RBFOX1: variants seen among roughly 807,000 people sequenced by gnomAD.
RBFOX1 encodes the protein RNA binding protein fox-1 homolog 1.
RBFOX1 carries 8 observed loss-of-function variants against 57.7 expected under a neutral mutation model. The observed-to-expected ratio is 0.14, with a 90% CI of 0.08 to 0.25. The LOEUF is 0.25. Among genes scored for constraint, RBFOX1 ranks in the 10% least tolerant of loss-of-function variants. The pLI is 1.00. For synonymous variants in RBFOX1, 326 were observed against 222.4 expected (o/e 1.47, Z -4.15); for missense variants, 611 against 548.5 (o/e 1.11, Z -1.14).
chr16:5,548,174 A>ATATATATATAT (rs1282445806), intron 2 of RBFOX1, among the ~76,000 whole-genome samples: 42 of 33,546 alleles, frequency 1.3e-3, no homozygotes, highest in East Asian at 2.7e-3. Context: ...AAAAAAAAAA[A>ATATATATATAT]ATATATATAT....
chr16:6,955,071 A>AC (rs1256473917), intron 3 of RBFOX1, among the ~76,000 whole-genome samples: 1 of 121,912 alleles, frequency 8.2e-6, no homozygotes, highest in Non-Finnish European at 1.8e-5. Flanking sequence ...TCTCTACAAA[A>AC]AAAAAAAAAC....
chr16:5,502,973 T>C (rs145766387), intron 2 of RBFOX1, among the ~76,000 whole-genome samples: 43 of 152,372 alleles, frequency 2.8e-4, no homozygotes, highest in Middle Eastern at 3.4e-3. Context: ...GATCATTCTA[T>C]TTAGACGTGT....
chr16:6,657,841 T>C (rs1458847124), intron 3 of RBFOX1, among the ~76,000 whole-genome samples: 2 of 151,998 alleles, frequency 1.3e-5, no homozygotes, highest in Non-Finnish European at 2.9e-5. Context: ...TTTATTTTAT[T>C]TTATTTTACT....
At chr16:6,914,871 G>C (rs1280532212) in intron 3 of RBFOX1, among the ~76,000 whole-genome samples, 3 of 152,340 alleles carry the variant, frequency 2.0e-5, no homozygotes, top group East Asian at 1.9e-4. Flanking sequence ...CTGGGCAACA[G>C]AGCAAGACCC....
At chr16:7,051,859 C>G (rs1033901437) in intron 3 of RBFOX1, among the ~76,000 whole-genome samples, 198 bp from the exon 4 acceptor site, 3 of 152,172 alleles carry the variant, frequency 2.0e-5, no homozygotes, top group African/African-American at 7.2e-5. Flanking sequence ...CTGACTTATC[C>G]TAGCTGTGCT....
Position 7,059,748 on chromosome 16 carries a change from T to G in RBFOX1, c.27+7650T>G, listed in dbSNP as rs147559322. ...TGACTGTTTGGTACAAATTTACCTTTCTCTTCACCCGTTGCAGTGTCTGCT... is the reference window on the plus strand; with the variant it reads ...TGACTGTTTGGTACAAATTTACCTTGCTCTTCACCCGTTGCAGTGTCTGCT... On this transcript the variant is annotated intron_variant, in intron 4 of 15. Coordinates refer to ENST00000550418, the MANE Select transcript of RBFOX1 (RefSeq NM_018723.4). Among the ~76,000 whole-genome samples, 565 of 152,294 alleles carry G rather than the reference T, an allele frequency of 3.7e-3. 5 individuals are homozygous for G. The highest frequency in any genetic ancestry group is 0.014 in the Middle Eastern group (4 of 294).
At chr16:7,514,580 T>G (rs377443885) in intron 4 of RBFOX1, among the ~76,000 whole-genome samples, 2 of 152,142 alleles carry the variant, frequency 1.3e-5, no homozygotes, top group East Asian at 1.9e-4. Context: ...TGACCAGGTT[T>G]CAGCATCAAG....
chr16:7,114,724 A>G (rs2151660162), intron 4 of RBFOX1, among the ~76,000 whole-genome samples: 2 of 152,282 alleles, frequency 1.3e-5, no homozygotes, highest in East Asian at 1.9e-4. Context: ...TACGCTCATG[A>G]AGAGTCCTGC....
chr16:5,391,725 C>T (rs555849431), intron 1 of RBFOX1, among the ~76,000 whole-genome samples: 15 of 152,166 alleles, frequency 9.9e-5, no homozygotes, highest in Non-Finnish European at 1.3e-4. Flanking sequence ...CATCTCCCTT[C>T]TGTATGTGTC....
intron 1 of RBFOX1, among the ~76,000 whole-genome samples, chr16:6,063,717 A>G (rs1402497068): frequency 6.6e-6 from 1 of 152,140 alleles, no homozygotes; most frequent in Non-Finnish European, 1.5e-5. Flanking sequence ...CACCAGGGCA[A>G]CCAGGAGCAC....
At chr16:6,631,273 T>TG (rs960258538) in intron 2 of RBFOX1, among the ~76,000 whole-genome samples, 1 of 151,690 alleles carries the variant, frequency 6.6e-6, no homozygotes, top group African/African-American at 2.4e-5. Flanking sequence ...AAACCAAAAA[T>TG]GGGGGGTGAG....
At chr16:6,476,222 A>G (rs2095269585) in intron 2 of RBFOX1, among the ~76,000 whole-genome samples, 1 of 152,190 alleles carries the variant, frequency 6.6e-6, no homozygotes. Context: ...TAATCTCACT[A>G]GCAAATACTA....
At chr16:6,813,650 A>G (rs928466954) in intron 3 of RBFOX1, among the ~76,000 whole-genome samples, 15 of 152,050 alleles carry the variant, frequency 9.9e-5, no homozygotes, top group African/African-American at 3.4e-4. Flanking sequence ...GGTGGATGCA[A>G]TTCCTTTTCA....
chr16:5,761,962 G>A (rs1003569922), intron 3 of RBFOX1, among the ~76,000 whole-genome samples: 1 of 152,090 alleles, frequency 6.6e-6, no homozygotes, highest in Non-Finnish European at 1.5e-5. Flanking sequence ...GAGCTTCATG[G>A]CAGAGTTTGA....
chr16:6,173,976 G>A (rs754414702), intron 1 of RBFOX1, among the ~76,000 whole-genome samples: 1 of 152,146 alleles, frequency 6.6e-6, no homozygotes, highest in Admixed American at 6.5e-5. Context: ...CCTTCACAGT[G>A]ATCTCGAAAC....
intron 2 of RBFOX1, among the ~76,000 whole-genome samples, chr16:6,427,638 T>C (rs751448182): frequency 1.3e-5 from 2 of 152,216 alleles, no homozygotes; most frequent in Non-Finnish European, 2.9e-5. Context: ...GTAAGGTGGA[T>C]TATTTTTTGC....
At chr16:6,229,093 C>A (rs17139600) in intron 1 of RBFOX1, among the ~76,000 whole-genome samples, 1 of 151,770 alleles carries the variant, frequency 6.6e-6, no homozygotes, top group Non-Finnish European at 1.5e-5. Context: ...TATTGAGAGA[C>A]CATGTTGTGC....
intron 4 of RBFOX1, among the ~76,000 whole-genome samples, chr16:7,083,769 C>CG (rs200036044): frequency 0.022 from 3,302 of 152,214 alleles, 119 homozygotes; most frequent in African/African-American, 0.073. Context: ...CAGAAGGCAC[C>CG]GTGCATGGGT....
At chr16:7,239,309 G>T (rs749545572) in intron 4 of RBFOX1, among the ~76,000 whole-genome samples, 7 of 152,052 alleles carry the variant, frequency 4.6e-5, no homozygotes, top group Non-Finnish European at 1.0e-4. Context: ...GACCAGCCTG[G>T]ACAACATGGT....
Sources: allele counts gnomAD v4.1 joint callset (sites outside exome capture counted in the v4.1 genomes callset), GRCh38; gene constraint gnomAD v4.1.1; transcripts MANE v1.5; gene names NCBI Gene and HGNC (gene_info 2026-07-23, HGNC 2026-07-21).